Variants in BAZ2A observed in about 807,000 individuals in gnomAD.
BAZ2A encodes bromodomain adjacent to zinc finger domain protein 2A.
BAZ2A carries 34 observed loss-of-function variants against 199.9 expected under a neutral mutation model. The ratio of observed to expected loss-of-function variants is 0.17; its 90% CI spans 0.13 to 0.23. The LOEUF (loss-of-function observed/expected upper bound fraction) is 0.23. Among genes scored for constraint, BAZ2A ranks in the 10% least tolerant of loss-of-function variants. The probability of loss-of-function intolerance (pLI) is 1.00; values close to 1 mark genes in which losing one functional copy is unlikely to be tolerated. For missense variants in BAZ2A, 2,002 were observed against 2,391.1 expected (o/e 0.84, Z 3.39); for synonymous variants, 857 against 883.9 (o/e 0.97, Z 0.54).
rs751154857 is a variant in BAZ2A at position 56,613,134 on chromosome 12, T to C, written c.1016A>G (p.Asp339Gly). The C allele has an allele frequency of 1.2e-6, 2 of 1,613,986 alleles. No homozygotes were observed. The highest frequency in any genetic ancestry group is 2.7e-5 in the African/African-American group (2 of 75,020). Reference protein sequence around the residue: ...LEDSPVISALDCPSLNNATAF... With the variant: ...LEDSPVISALGCPSLNNATAF... ...AGTAGCATTATTGAGGGAAGGGCAA[T>C]CAAGGGCAGAAATCACAGGGCTGTC... is the stretch of plus-strand genomic sequence containing the variant. The change falls in exon 5 of 29, where the codon GAT becomes GGT. Residue 339 changes from aspartate (D) to glycine (G), a missense_variant. Transcript: ENST00000549884.
upstream of BAZ2A, chr12:56,638,047 A>T (rs568772211): frequency 1.1e-5 from 4 of 348,614 alleles, no homozygotes; most frequent in African/African-American, 8.4e-5. Context: ...CTGAGGTGGG[A>T]GATCTCGAGC....
Position 56,599,845 on chromosome 12 carries a change from A to G in BAZ2A, c.5029T>C (p.Cys1677Arg). ...AWEKSVNKVT[C>R]LVCRKGDNDE... ...TTGTCACCCTTCCGGCAGACTAGACATGTCTGGACCAAGGTTGTGAGGAGG... is the reference window on the plus strand; with the variant it reads ...TTGTCACCCTTCCGGCAGACTAGACGTGTCTGGACCAAGGTTGTGAGGAGG... Residue 1677 changes from cysteine to arginine, a missense_variant, in exon 26 of 29, where the codon TGT becomes CGT. Around this residue, in one of 6 missense-constraint regions of BAZ2A, gnomAD observed 1,081 missense variants for 1,274.7 expected, o/e 0.85. Transcript: ENST00000549884. The G allele has an allele frequency of 2.5e-6, 4 of 1,614,000 alleles. No homozygotes were observed. Among genetic ancestry groups the G allele is most frequent in the Non-Finnish European group, 3.4e-6 (4 of 1,179,890 alleles).
At chr12:56,603,457 A>G (rs545652230) in intron 17 of BAZ2A, 39 bp from the exon 18 acceptor site, 1 of 1,613,946 alleles carries the variant, frequency 6.2e-7, no homozygotes, top group South Asian at 1.1e-5. Flanking sequence ...AAAGGAGGTT[A>G]TCAGATTCAA....
chr12:56,617,495 A>G lies in BAZ2A; in HGVS notation c.36T>C (p.Leu12=). The change falls in exon 2 of 29, where the codon CTT becomes CTC. Residue 12 remains leucine (L), a synonymous_variant. Coordinates refer to ENST00000549884, the MANE Select transcript of BAZ2A (RefSeq NM_001300905.2). ...EANDHFNFTG[L]PPAPAASGLK... is the part of the protein sequence containing the mutation. ...GTCCTGAGGCAGCAGGTGCAGGGGG[A>G]AGGCCAGTAAAGTTAAAATGGTCGT... 2 of 1,606,738 alleles carry G rather than the reference A, an allele frequency of 1.2e-6. No homozygotes were observed. The highest frequency in any genetic ancestry group is 1.7e-6 in the Non-Finnish European group (2 of 1,176,596).
intron 9 of BAZ2A, 72 bp downstream of exon 9, chr12:56,610,042 C>G (rs543542882): frequency 2.5e-6 from 4 of 1,601,500 alleles, no homozygotes; most frequent in Non-Finnish European, 3.4e-6. Flanking sequence ...TCAAACCCCA[C>G]GAGAGGAAGC....
intron 23 of BAZ2A, 83 bp downstream of exon 23, chr12:56,600,598 A>G (rs1886357582): frequency 6.4e-7 from 1 of 1,570,804 alleles, no homozygotes; most frequent in Non-Finnish European, 8.6e-7. Context: ...CCTGTGAAGT[A>G]GGGACCCAGG....
intron 7 of BAZ2A, 110 bp from the exon 8 acceptor site, chr12:56,610,627 T>A: frequency 1.1e-6 from 1 of 889,708 alleles, no homozygotes; most frequent in Non-Finnish European, 1.8e-6. Flanking sequence ...TTTGTATCTC[T>A]AGAACTGCAT....
intron 2 of BAZ2A, among the ~76,000 whole-genome samples, chr12:56,616,156 C>T (rs987124942): frequency 2.6e-5 from 4 of 152,166 alleles, no homozygotes; most frequent in Admixed American, 1.3e-4. Context: ...CTGCCTCGGC[C>T]TCCCAAAGTG....
upstream of BAZ2A, among the ~76,000 whole-genome samples, chr12:56,637,047 C>G (rs1259714685): frequency 6.6e-6 from 1 of 152,188 alleles, no homozygotes; most frequent in Admixed American, 6.5e-5. Context: ...ATGGACTCAG[C>G]GGGTGGAGCT....
In BAZ2A at chr12:56,600,831, G is replaced by T; in HGVS notation, c.4452C>A (p.Asp1484Glu). The T allele has an allele frequency of 6.2e-7, 1 of 1,613,572 alleles. No individual in the cohort carries two copies. The highest frequency in any genetic ancestry group is 1.3e-5 in the African/African-American group (1 of 75,024). ...LQEVCLRPSA[D>E]PIFEPRQLPA... ...GTAGTTGCCTGGGCTCAAAGATGGG[G>T]TCTGAGAAGAGAGGTGGCAGAGGGA... Residue 1484 changes from aspartate (D) to glutamate (E), a missense_variant and splice_region_variant, in exon 23 of 29, where the codon GAC (aspartate) becomes GAA (glutamate). Coordinates refer to ENST00000549884, the MANE Select transcript of BAZ2A (RefSeq NM_001300905.2).
chr12:56,601,117 T>C lies in BAZ2A; in HGVS notation c.4295-19A>G, dbSNP rs754843545. The C allele has an allele frequency of 4.3e-6, 7 of 1,613,746 alleles. No individual in the cohort carries two copies. In the East Asian group the frequency reaches 1.3e-4, roughly 31 times the overall value. On this transcript the variant is annotated intron_variant, in intron 21 of 28. Coordinates refer to ENST00000549884, the MANE Select transcript of BAZ2A (RefSeq NM_001300905.2). ...CACATCTCTGTGAGCAGATGAGATATATGTGGGGCGCCAGCTGTGAAGCAC... is the reference window on the plus strand; with the variant it reads ...CACATCTCTGTGAGCAGATGAGATACATGTGGGGCGCCAGCTGTGAAGCAC...
chr12:56,609,552 T>C (rs1009428503), intron 10 of BAZ2A, among the ~76,000 whole-genome samples, 184 bp downstream of exon 10: 4 of 152,280 alleles, frequency 2.6e-5, no homozygotes, highest in African/African-American at 9.6e-5. Context: ...AGACCATGGC[T>C]GGAAAAGTAG....
chr12:56,629,099 T>C (rs2137388629), intron 1 of BAZ2A, among the ~76,000 whole-genome samples: 1 of 151,816 alleles, frequency 6.6e-6, no homozygotes, highest in South Asian at 2.1e-4. Context: ...CCCAGAAGGC[T>C]TCAGAAAATG....
chr12:56,599,644 A>AT, intron 26 of BAZ2A, 58 bp downstream of exon 26: 1 of 1,609,324 alleles, frequency 6.2e-7, no homozygotes, highest in Non-Finnish European at 8.5e-7. Context: ...GAGAGGAGAG[A>AT]TTGAGGATAA....
Position 56,605,967 on chromosome 12 carries a change from CCTCCTCCTTTTCCTTCATTTTTACCTT to C in BAZ2A, c.2329_2355del (p.Lys777_Glu785del). The C allele has an allele frequency of 6.4e-7, 1 of 1,553,378 alleles. No individual in the cohort carries two copies. Among genetic ancestry groups the C allele is most frequent in the Non-Finnish European group, 8.7e-7 (1 of 1,147,642 alleles). The stretch of plus-strand genomic sequence containing the variant: ...TTACAGGCTGGCTTGGCTTTGGTCA[CCTCCTCCTTTTCCTTCATTTTTACCTT>C]CTCCTTCTTTTCCCTCTTGACTTTT... On this transcript the variant is annotated inframe_deletion, in exon 13 of 29. Coordinates refer to ENST00000549884, the MANE Select transcript of BAZ2A (RefSeq NM_001300905.2).
At chr12:56,624,566 T>C (rs569273890) in intron 1 of BAZ2A, among the ~76,000 whole-genome samples, 1 of 151,526 alleles carries the variant, frequency 6.6e-6, no homozygotes, top group African/African-American at 2.4e-5. Context: ...CACTACCAGC[T>C]TACTTATCCA....
In BAZ2A at chr12:56,599,353, C is replaced by T. The variant is rs780403397; in HGVS notation, c.5178G>A (p.Val1726=). ...CAGGCTTCTGAGTGAATTCTCCCTC[C>T]ACCTGCTTAGTATAGGAAACAGGTG... ...WFCTVCLAQQ[V]EGEFTQKPGF... Residue 1726 remains valine, a synonymous_variant, in exon 27 of 29, where the codon GTG becomes GTA. Coordinates refer to ENST00000549884, the MANE Select transcript of BAZ2A (RefSeq NM_001300905.2). The T allele has an allele frequency of 6.2e-6, 10 of 1,612,268 alleles. No individual in the cohort carries two copies. The East Asian group carries it at 2.2e-4, about 36-fold the overall frequency.
chr12:56,635,357 G>A lies in BAZ2A; in HGVS notation c.4+825C>T, dbSNP rs1289610819. On this transcript the variant is annotated intron_variant, in intron 1 of 29. Transcript: ENST00000379441. This position sits in a 1 kb window ranked among gnomAD's most constrained non-coding sequence, Gnocchi z 4.1. ...CCGGGGAAGGCAGAAAGAGCTACATGGGCTCCTAGGAGGCCTAGGGGTGCA... is the reference window on the plus strand; with the variant it reads ...CCGGGGAAGGCAGAAAGAGCTACATAGGCTCCTAGGAGGCCTAGGGGTGCA... Among the ~76,000 whole-genome samples, 1 of 152,024 alleles carries A rather than the reference G, an allele frequency of 6.6e-6. No individual in the cohort carries two copies. The highest frequency in any genetic ancestry group is 1.5e-5 in the Non-Finnish European group (1 of 67,944).
In BAZ2A at chr12:56,606,260, T is replaced by C. The variant is rs1236367745; in HGVS notation, c.2246A>G (p.Lys749Arg). ...ETKSLKQKEA[K>R]KKSKAEKEKG... The stretch of plus-strand genomic sequence containing the variant: ...ACATGCACCTACCTTGGATTTCTTC[T>C]TAGCTTCCTTCTGCTTTAAGCTCTT... The change falls in exon 12 of 29, where the codon AAG becomes AGG. Residue 749 changes from lysine to arginine, a missense_variant. By Grantham distance (26) the Lys-to-Arg change is conservative. Transcript: ENST00000549884. 11 of 1,613,952 alleles carry C rather than the reference T, an allele frequency of 6.8e-6. No homozygotes were observed. In the South Asian group the frequency reaches 1.1e-4, roughly 16 times the overall value.
Sources: allele counts gnomAD v4.1 joint callset (sites outside exome capture counted in the v4.1 genomes callset), GRCh38; gene constraint gnomAD v4.1.1; regional missense constraint gnomAD v4.1.1; non-coding constraint Gnocchi (gnomAD v3.1); transcripts MANE v1.5; gene names NCBI Gene and HGNC (gene_info 2026-07-23, HGNC 2026-07-21).